The following KAT6A variants were observed in gnomAD, a reference collection of about 807,000 sequenced individuals.
KAT6A encodes the protein histone acetyltransferase KAT6A.
KAT6A carries 9 observed loss-of-function variants against 198.4 expected under a neutral mutation model. The ratio of observed to expected loss-of-function variants is 0.05; its 90% CI spans 0.03 to 0.08. KAT6A has a LOEUF of 0.08. Ranked by LOEUF, KAT6A falls within the 10% of genes least tolerant of loss-of-function variation. The probability of loss-of-function intolerance (pLI) is 1.00; values close to 1 mark genes in which losing one functional copy is unlikely to be tolerated. For missense variants in KAT6A, 2,077 were observed against 2,509.9 expected (o/e 0.83, Z 3.69); for synonymous variants, 890 against 883.0 (o/e 1.01, Z -0.14).
chr8:42,038,566 G>T (rs1827488093), intron 2 of KAT6A, among the ~76,000 whole-genome samples: 1 of 152,044 alleles, frequency 6.6e-6, no homozygotes, highest in East Asian at 1.9e-4. Context: ...AATTGAGAAG[G>T]GCCTGACCAA....
At chr8:41,960,653 T>C (rs1281206862) in intron 8 of KAT6A, among the ~76,000 whole-genome samples, 1 of 152,064 alleles carries the variant, frequency 6.6e-6, no homozygotes, top group African/African-American at 2.4e-5. Context: ...CTAAGCCTTT[T>C]TGCTCTACAC....
chr8:41,955,155 C>T (rs999095264), intron 9 of KAT6A, 141 bp downstream of exon 9: 35 of 588,584 alleles, frequency 5.9e-5, no homozygotes, highest in South Asian at 8.3e-5. Flanking sequence ...CTGCCAAAGC[C>T]GCTGCTATTA....
intron 2 of KAT6A, among the ~76,000 whole-genome samples, chr8:42,032,048 G>A (rs1450844535): frequency 2.0e-5 from 3 of 151,984 alleles, no homozygotes; most frequent in Non-Finnish European, 4.4e-5. Context: ...TCCTGCCTCA[G>A]CCTCCCGAGT....
chr8:41,978,547 A>C, intron 6 of KAT6A, 95 bp downstream of exon 6: 1 of 1,300,322 alleles, frequency 7.7e-7, no homozygotes, highest in Non-Finnish European at 1.1e-6. Context: ...CAGATATGAC[A>C]ATGGAATTTT....
chr8:41,992,606 C>T (rs1825000549), intron 2 of KAT6A, among the ~76,000 whole-genome samples: 1 of 152,072 alleles, frequency 6.6e-6, no homozygotes, highest in South Asian at 2.1e-4. Flanking sequence ...AATGTAATGA[C>T]CTATGAATGG....
intron 2 of KAT6A, among the ~76,000 whole-genome samples, chr8:42,014,957 C>T (rs1237305487): frequency 1.3e-5 from 2 of 152,172 alleles, no homozygotes; most frequent in African/African-American, 4.8e-5. Context: ...ATTATGGGTT[C>T]AGTTCTCTAA....
intron 2 of KAT6A, among the ~76,000 whole-genome samples, chr8:42,006,773 A>G (rs1487524209): frequency 6.6e-6 from 1 of 152,154 alleles, no homozygotes; most frequent in Non-Finnish European, 1.5e-5. Context: ...AGGTGGGCGG[A>G]TCACCTGAGG....
chr8:41,967,819 G>A (rs545585968), intron 8 of KAT6A, among the ~76,000 whole-genome samples: 52 of 152,002 alleles, frequency 3.4e-4, no homozygotes, highest in Non-Finnish European at 6.5e-4. Context: ...AAATAACGTC[G>A]CATATCTACA....
At chr8:42,021,620 G>A (rs577601593) in intron 2 of KAT6A, among the ~76,000 whole-genome samples, 5 of 152,146 alleles carry the variant, frequency 3.3e-5, no homozygotes, top group Non-Finnish European at 1.5e-5. Context: ...ATGAGAATTT[G>A]TGTTGTAAAA....
intron 8 of KAT6A, among the ~76,000 whole-genome samples, chr8:41,961,634 T>C (rs1449811128): frequency 6.6e-6 from 1 of 150,500 alleles, no homozygotes; most frequent in Admixed American, 6.7e-5. Context: ...ACACCTGTAG[T>C]ACCAGCTACT....
rs1417029945 is a variant in KAT6A at position 41,934,273 on chromosome 8, G to C, written c.3947C>G (p.Ala1316Gly). 1 of 1,613,854 alleles carries C rather than the reference G, an allele frequency of 6.2e-7. No individual in the cohort carries two copies. Among genetic ancestry groups the C allele is most frequent in the African/African-American group, 1.3e-5 (1 of 74,826 alleles). The change falls in exon 17 of 17, where the codon GCT (alanine) becomes GGT (glycine). Residue 1316 changes from alanine to glycine, a missense_variant. By Grantham distance (60) the Ala-to-Gly change is moderately conservative. Transcript: ENST00000265713. ...AETAQNDDHD[A>G]DDEDDGHLES... The stretch of plus-strand genomic sequence containing the variant: ...CAGGTGGCCATCATCCTCATCATCA[G>C]CGTCGTGGTCGTCATTCTGGGCAGT...
At chr8:42,035,444 A>G (rs1346066056) in intron 2 of KAT6A, among the ~76,000 whole-genome samples, 1 of 152,258 alleles carries the variant, frequency 6.6e-6, no homozygotes, top group Non-Finnish European at 1.5e-5. Context: ...AAGAACACAG[A>G]GGTCTAGAAA....
chr8:42,012,830 G>A (rs1162162724), intron 2 of KAT6A, among the ~76,000 whole-genome samples: 1 of 152,128 alleles, frequency 6.6e-6, no homozygotes, highest in Non-Finnish European at 1.5e-5. Flanking sequence ...TAGGGGAAGA[G>A]ATAAACAAAC....
chr8:42,017,655 G>A lies in KAT6A; in HGVS notation c.601-30092C>T, dbSNP rs192644942. Among the ~76,000 whole-genome samples, 141 of 152,258 alleles carry A rather than the reference G, an allele frequency of 9.3e-4. 1 individual carries two copies. In the East Asian group the frequency reaches 0.019, roughly 20 times the overall value. The stretch of plus-strand genomic sequence containing the variant: ...ACTACAGTGTGCTGGAAGGCAGAGG[G>A]TTAAGAAGAGCATGGCAAGAGATGA... On this transcript the variant is annotated intron_variant, in intron 2 of 16. Coordinates refer to ENST00000265713, the MANE Select transcript of KAT6A (RefSeq NM_006766.5).
At chr8:41,968,361 A>G (rs1179886676) in intron 8 of KAT6A, among the ~76,000 whole-genome samples, 4 of 152,076 alleles carry the variant, frequency 2.6e-5, no homozygotes, top group African/African-American at 9.7e-5. Context: ...GCAGCCAAAA[A>G]ACACATGAAA....
intron 3 of KAT6A, among the ~76,000 whole-genome samples, chr8:41,985,033 A>G (rs377454588): frequency 6.6e-6 from 1 of 151,940 alleles, no homozygotes; most frequent in African/African-American, 2.4e-5. Context: ...AATTATGCTC[A>G]TCCTTAGCTT....
chr8:42,025,632 T>C (rs1219780456), intron 2 of KAT6A, among the ~76,000 whole-genome samples: 2 of 152,152 alleles, frequency 1.3e-5, no homozygotes, highest in Non-Finnish European at 1.5e-5. Flanking sequence ...TTGAGTTGAG[T>C]TCCTTGTACA....
intron 3 of KAT6A, among the ~76,000 whole-genome samples, chr8:41,983,464 T>C (rs1824459395): frequency 6.6e-6 from 1 of 152,226 alleles, no homozygotes; most frequent in African/African-American, 2.4e-5. Context: ...ATACAGTTTT[T>C]GTTTTATTTT....
intron 14 of KAT6A, chr8:41,941,910 G>A: frequency 5.8e-6 from 1 of 171,872 alleles, no homozygotes. Flanking sequence ...TAAACAGGGT[G>A]GAGGAGACAG....
Sources: allele counts gnomAD v4.1 joint callset (sites outside exome capture counted in the v4.1 genomes callset), GRCh38; gene constraint gnomAD v4.1.1; transcripts MANE v1.5; gene names NCBI Gene and HGNC (gene_info 2026-07-23, HGNC 2026-07-21).